The following FEM1C variants were observed in gnomAD, a reference collection of about 807,000 sequenced individuals.
FEM1C encodes protein fem-1 homolog C.
Under a neutral mutation model 37.6 loss-of-function variants are expected in FEM1C, and 15 were observed. That is an observed-to-expected ratio of 0.40 (90% CI 0.27 to 0.61). The LOEUF is 0.61. Ranked by LOEUF, FEM1C falls within the 20% of genes least tolerant of loss-of-function variation. The pLI, the probability that FEM1C is intolerant of heterozygous loss-of-function variation, is 0.42. For synonymous variants in FEM1C, 287 were observed against 272.8 expected, an observed-to-expected ratio of 1.05 and a Z score of -0.51; for missense variants, 532 against 749.7, an observed-to-expected ratio of 0.71 and a Z score of 3.39.
Position 115,536,204 on chromosome 5 carries a change from GTGGT to G in FEM1C, c.544+6742_544+6745del, listed in dbSNP as rs1344749195. On this transcript the variant is annotated intron_variant, in intron 2 of 2. Coordinates refer to ENST00000274457, the MANE Select transcript of FEM1C (RefSeq NM_020177.3). Reference sequence around the variant, plus strand: ...AGCCATTGAATTGTATACACTTTAAGTGGTTTTGTGAATTTTATCTCAATAAGGC... The same window carrying G: ...AGCCATTGAATTGTATACACTTTAAGTTTGTGAATTTTATCTCAATAAGGC... 7.2e-5 allele frequency among the ~76,000 whole-genome samples: 11 copies of G among 152,068 alleles called. No individual in the cohort carries two copies. The East Asian group carries it at 1.9e-3, about 27-fold the overall frequency.
At position 115,543,675 on chromosome 5, in the gene FEM1C, G is replaced by A; in HGVS notation, c.-182C>T. 3 of 1,357,438 alleles carry A rather than the reference G, an allele frequency of 2.2e-6. No individual in the cohort carries two copies. The highest frequency in any genetic ancestry group is 3.5e-5 in the Admixed American group (1 of 28,330). The allele number at this position is 1,357,438 out of a possible 1,614,324, so 84.1% of individuals were successfully genotyped here. A position where few individuals can be genotyped will look rare whatever the true frequency, so the allele number is the denominator to read the frequency against. On this transcript the variant is annotated 5_prime_UTR_variant, in exon 2 of 3. Coordinates refer to ENST00000274457, the MANE Select transcript of FEM1C (RefSeq NM_020177.3). ...CTGCTTTCCAACATCTGACAACCAGGGCACCAAACTAGAGAAAGAAAAAAA... is the reference window on the plus strand; with the variant it reads ...CTGCTTTCCAACATCTGACAACCAGAGCACCAAACTAGAGAAAGAAAAAAA...
chr5:115,541,279 C>A (rs1218448619), intron 2 of FEM1C, among the ~76,000 whole-genome samples: 1 of 151,944 alleles, frequency 6.6e-6, no homozygotes, highest in Non-Finnish European at 1.5e-5. Context: ...TCAGAAATAT[C>A]TTTGGAAGTA....
intron 2 of FEM1C, among the ~76,000 whole-genome samples, chr5:115,532,318 G>A (rs1754033405): frequency 1.3e-5 from 2 of 151,986 alleles, no homozygotes; most frequent in South Asian, 4.1e-4. Context: ...TAAAGCTAAG[G>A]TAGATTCTAA....
chr5:115,544,043 T>C, intron 1 of FEM1C: 1 of 985,354 alleles, frequency 1.0e-6, no homozygotes. Context: ...CAGAAATGTT[T>C]CTCTTTCTTG....
In FEM1C at chr5:115,524,018, C is replaced by A; in HGVS notation, c.*290G>T. 1 of 302,868 alleles carries A rather than the reference C, an allele frequency of 3.3e-6. No individual in the cohort carries two copies. The highest frequency in any genetic ancestry group is 4.9e-5 in the South Asian group (1 of 20,366). The allele number at this position is 302,868 out of a possible 1,614,324, so 18.8% of individuals were successfully genotyped here. The stretch of plus-strand genomic sequence containing the variant: ...CCATGGAGAAATGGTTAACTCTGCC[C>A]CAAACACCCAACAGCAAACAAAACC... On this transcript the variant is annotated 3_prime_UTR_variant, in exon 3 of 3. Transcript: ENST00000274457.
chr5:115,536,641 C>G (rs1174955858), intron 2 of FEM1C, among the ~76,000 whole-genome samples: 1 of 151,778 alleles, frequency 6.6e-6, no homozygotes, highest in Admixed American at 6.6e-5. Context: ...TGTTTCCCTT[C>G]CCCATGTGTA....
chr5:115,541,555 T>C (rs1754241783), intron 2 of FEM1C, among the ~76,000 whole-genome samples: 1 of 152,194 alleles, frequency 6.6e-6, no homozygotes, highest in Non-Finnish European at 1.5e-5. Context: ...CAGGTATTTA[T>C]ACTACAGTTA....
chr5:115,538,016 C>G (rs1754162433), intron 2 of FEM1C, among the ~76,000 whole-genome samples: 1 of 151,944 alleles, frequency 6.6e-6, no homozygotes, highest in Non-Finnish European at 1.5e-5. Flanking sequence ...TAAAATACAT[C>G]TATATTCTAA....
At chr5:115,536,367 C>T (rs1754128499) in intron 2 of FEM1C, among the ~76,000 whole-genome samples, 1 of 151,960 alleles carries the variant, frequency 6.6e-6, no homozygotes. Context: ...CAGTCCTCAT[C>T]TCTCTTTCTT....
At chr5:115,540,201 T>C (rs1054125297) in intron 2 of FEM1C, among the ~76,000 whole-genome samples, 1 of 152,054 alleles carries the variant, frequency 6.6e-6, no homozygotes, top group African/African-American at 2.4e-5. Context: ...TTTGTTACCA[T>C]TAACCCATAG....
chr5:115,541,852 G>A (rs989046250), intron 2 of FEM1C, among the ~76,000 whole-genome samples: 1 of 152,144 alleles, frequency 6.6e-6, no homozygotes, highest in South Asian at 2.1e-4. Flanking sequence ...ACATAGACAA[G>A]TATGCTTGTA....
chr5:115,543,429 A>G lies in FEM1C; in HGVS notation c.65T>C (p.Leu22Ser). Residue 22 changes from leucine (L) to serine (S), a missense_variant, in exon 2 of 3, where the codon TTG becomes TCG. Around this residue, in one of 3 missense-constraint regions of FEM1C, gnomAD observed 74 missense variants for 85.0 expected, o/e 0.87. Transcript: ENST00000274457. Reference sequence around the variant, plus strand: ...CTCCTCTTTGGATTTGCTTGCCAACAATTTGGTGAGAAGCCGGAGTTTGCC... The same window carrying G: ...CTCCTCTTTGGATTTGCTTGCCAACGATTTGGTGAGAAGCCGGAGTTTGCC... ...RDGKLRLLTK[L>S]LASKSKEEVS... 1.2e-6 allele frequency: 2 copies of G among 1,614,128 alleles called. No homozygotes were observed. The highest frequency in any genetic ancestry group is 1.7e-6 in the Non-Finnish European group (2 of 1,180,006).
chr5:115,526,353 T>C (rs1458264745), intron 2 of FEM1C, among the ~76,000 whole-genome samples: 1 of 152,132 alleles, frequency 6.6e-6, no homozygotes, highest in East Asian at 1.9e-4. Context: ...AATATGCGGG[T>C]GGTTCAATAT....
chr5:115,528,316 T>A (rs1297955538), intron 2 of FEM1C, among the ~76,000 whole-genome samples: 1 of 152,056 alleles, frequency 6.6e-6, no homozygotes, highest in Non-Finnish European at 1.5e-5. Flanking sequence ...AGTCCAGAAT[T>A]TGAGGCAGCT....
rs778371792 is a variant in FEM1C at position 115,523,904 on chromosome 5, CAG to C, written c.*402_*403del. On this transcript the variant is annotated 3_prime_UTR_variant, in exon 3 of 3. Transcript: ENST00000274457. ...GTTAGGACAAACAATAAAGTAGAAA[CAG>C]GGGGGAAACTTGAGAAGAGAAGAAA... 2.8e-4 allele frequency: 51 copies of C among 179,526 alleles called. No homozygotes were observed. Among genetic ancestry groups the C allele is most frequent in the African/African-American group, 8.7e-4 (36 of 41,598 alleles). 11.1% of individuals were successfully genotyped at this position (179,526 alleles called of 1,614,324 possible).
chr5:115,524,618 A>G lies in FEM1C; in HGVS notation c.1544T>C (p.Ile515Thr). The G allele has an allele frequency of 6.2e-7, 1 of 1,604,330 alleles. No homozygotes were observed. The highest frequency in any genetic ancestry group is 8.5e-7 in the Non-Finnish European group (1 of 1,175,932). Residue 515 changes from isoleucine (I) to threonine (T), a missense_variant, in exon 3 of 3, where the codon ATA becomes ACA. By Grantham distance (89) the Ile-to-Thr change is moderately conservative (BLOSUM62 -1). Transcript: ENST00000274457. ...FPSLQVTAIL[I>T]ECGADVNVRD... Reference sequence around the variant, plus strand: ...GACGTTCACATCAGCACCACATTCTATCAGTATTGCAGTAACTTGTAGAGA... The same window carrying G: ...GACGTTCACATCAGCACCACATTCTGTCAGTATTGCAGTAACTTGTAGAGA...
At chr5:115,525,756 G>A (rs926220779) in intron 2 of FEM1C, 139 bp from the exon 3 acceptor site, 88 of 622,600 alleles carry the variant, frequency 1.4e-4, no homozygotes, top group Middle Eastern at 8.8e-4. Flanking sequence ...TTACAAACGA[G>A]AAAAAAAAAT....
At position 115,525,670 on chromosome 5, in the gene FEM1C, A is replaced by C. The variant is rs1753876197; in HGVS notation, c.545-53T>G. 9 of 1,343,936 alleles carry C rather than the reference A, an allele frequency of 6.7e-6. 1 individual carries two copies. The highest frequency in any genetic ancestry group is 9.3e-6 in the Non-Finnish European group (9 of 971,680). The allele number at this position is 1,343,936 out of a possible 1,614,324, so 83.3% of individuals were successfully genotyped here. ...AACATACATTGAGGGACCAAAATAT[A>C]ATGTAATATATATATGCACTTTAGA... On this transcript the variant is annotated intron_variant, in intron 2 of 2. Transcript: ENST00000274457.
intron 2 of FEM1C, among the ~76,000 whole-genome samples, chr5:115,540,431 T>C (rs1305118223): frequency 6.6e-6 from 1 of 152,082 alleles, no homozygotes; most frequent in Non-Finnish European, 1.5e-5. Flanking sequence ...ATTTTTGGCA[T>C]GAAATTGTTT....
Sources: allele counts gnomAD v4.1 joint callset (sites outside exome capture counted in the v4.1 genomes callset), GRCh38; gene constraint gnomAD v4.1.1; regional missense constraint gnomAD v4.1.1; transcripts MANE v1.5; gene names NCBI Gene and HGNC (gene_info 2026-07-23, HGNC 2026-07-21).